Variants in IL2RA observed in about 807,000 individuals in gnomAD.
IL2RA encodes interleukin 2 receptor subunit alpha.
In IL2RA, 24 loss-of-function variants were observed where a neutral mutation model predicts 37.8. That is an observed-to-expected ratio of 0.63 (90% confidence interval 0.46 to 0.89). IL2RA has a LOEUF of 0.89. IL2RA is among the 40% of genes least tolerant of loss of function. The pLI, the probability that IL2RA is intolerant of heterozygous loss-of-function variation, is 0.00. For missense variants in IL2RA, 319 were observed against 348.6 expected, an observed-to-expected ratio of 0.92 and a Z score of 0.68; for synonymous variants, 125 against 114.6, an observed-to-expected ratio of 1.09 and a Z score of -0.58.
chr10:6,018,323 G>T lies in IL2RA; in HGVS notation c.728-204C>A, dbSNP rs1204170438. Among the ~76,000 whole-genome samples the T allele has an allele frequency of 3.3e-5, 5 of 152,128 alleles. No individual in the cohort carries two copies. Among genetic ancestry groups the T allele is most frequent in the African/African-American group, 4.8e-5 (2 of 41,424 alleles). ...ACAGGGCAGGGAGGACAGGGTGAGG[G>T]TGGAGGGAGCTTCCCCTCAGGAGGC... On this transcript the variant is annotated intron_variant, in intron 6 of 7. Transcript: ENST00000379959. The surrounding 1 kb of genome is among the most constrained non-coding windows in gnomAD (Gnocchi z 5.1).
At chr10:6,026,159 A>T in intron 1 of IL2RA, 134 bp from the exon 2 acceptor site, 1 of 909,706 alleles carries the variant, frequency 1.1e-6, no homozygotes. Flanking sequence ...TTTGTGAGAA[A>T]GCAACTAAGG....
Position 6,023,866 on chromosome 10 carries a change from G to A in IL2RA, c.367+378C>T, listed in dbSNP as rs114208604. Among the ~76,000 whole-genome samples, 229 of 152,330 alleles carry A rather than the reference G, an allele frequency of 1.5e-3. 2 individuals are homozygous for A. Among genetic ancestry groups the A allele is most frequent in the African/African-American group, 4.9e-3 (205 of 41,576 alleles). ...GTTGTCTTGTGCTTAAGGGGAAGACGCAGAGCGTTTCCTTGAGGGCAGGGA... is the reference window on the plus strand; with the variant it reads ...GTTGTCTTGTGCTTAAGGGGAAGACACAGAGCGTTTCCTTGAGGGCAGGGA... On this transcript the variant is annotated intron_variant, in intron 3 of 7. Transcript: ENST00000379959.
chr10:6,017,193 A>G (rs894308972), intron 7 of IL2RA: 2 of 152,390 alleles, frequency 1.3e-5, no homozygotes, highest in Non-Finnish European at 1.5e-5. Flanking sequence ...TCTAAGATGC[A>G]TGCAGGGTTG....
Position 6,029,198 on chromosome 10 carries a change from C to T in IL2RA, c.65-3173G>A, listed in dbSNP as rs1278337832. On this transcript the variant is annotated intron_variant, in intron 1 of 7. Transcript: ENST00000379959. This position sits in a 1 kb window ranked among gnomAD's most constrained non-coding sequence, Gnocchi z 4.6. ...TTTATTTTTGAGACAGAGTTTCGCTCTTGTTGCCCAGGCTGGAGTGCAATG... is the reference window on the plus strand; with the variant it reads ...TTTATTTTTGAGACAGAGTTTCGCTTTTGTTGCCCAGGCTGGAGTGCAATG... Among the ~76,000 whole-genome samples, 1 of 150,288 alleles carries T rather than the reference C, an allele frequency of 6.7e-6. No homozygotes were observed. The highest frequency in any genetic ancestry group is 1.5e-5 in the Non-Finnish European group (1 of 67,678).
chr10:6,029,753 G>A lies in IL2RA; in HGVS notation c.65-3728C>T, dbSNP rs963606625. 1.3e-5 allele frequency among the ~76,000 whole-genome samples: 2 copies of A among 151,952 alleles called. No individual in the cohort carries two copies. The highest frequency in any genetic ancestry group is 2.9e-5 in the Non-Finnish European group (2 of 67,984). On this transcript the variant is annotated intron_variant, in intron 1 of 7. Coordinates refer to ENST00000379959, the MANE Select transcript of IL2RA (RefSeq NM_000417.3). This position sits in a 1 kb window ranked among gnomAD's most constrained non-coding sequence, Gnocchi z 4.6. ...GGAGTCTTGCTCTGTTGCCCAGGCT[G>A]GAGTGCAGTGGCACAATCTTGGCTC...
At chr10:6,061,429 T>C (rs1042715329) in intron 1 of IL2RA, among the ~76,000 whole-genome samples, 38 of 152,182 alleles carry the variant, frequency 2.5e-4, no homozygotes, top group African/African-American at 8.9e-4. Flanking sequence ...GAATGAAATT[T>C]AAAATTTGCA....
chr10:6,033,895 A>C lies in IL2RA; in HGVS notation c.65-7870T>G, dbSNP rs1290521230. 6.6e-6 allele frequency among the ~76,000 whole-genome samples: 1 copy of C among 152,202 alleles called. No homozygotes were observed. Among genetic ancestry groups the C allele is most frequent in the Non-Finnish European group, 1.5e-5 (1 of 68,028 alleles). On this transcript the variant is annotated intron_variant, in intron 1 of 7. Transcript: ENST00000379959. The surrounding 1 kb of genome is among the most constrained non-coding windows in gnomAD (Gnocchi z 4.3). Reference sequence around the variant, plus strand: ...AGATCTATGCATTTCTTTATAAGTAATTTTAGCTCAACAAAATGAGCGAGA... The same window carrying C: ...AGATCTATGCATTTCTTTATAAGTACTTTTAGCTCAACAAAATGAGCGAGA...
rs1163208597 is a variant in IL2RA at position 6,025,890 on chromosome 10, C to T, written c.200G>A (p.Cys67Tyr). 6.2e-7 allele frequency: 1 copy of T among 1,614,084 alleles called. No homozygotes were observed. Among genetic ancestry groups the T allele is most frequent in the East Asian group, 2.2e-5 (1 of 44,898 alleles). ...GGACGAGTGGCTAGAGTTTCCTGTA[C>T]AGAGCATATAGAGTGACCCGCTTTT... Reference protein sequence around the residue: ...RIKSGSLYMLCTGNSSHSSWD... With the variant: ...RIKSGSLYMLYTGNSSHSSWD... The change falls in exon 2 of 8, where the codon TGT becomes TAT. Residue 67 changes from cysteine to tyrosine, a missense_variant. Cys to Tyr is a radical substitution (Grantham distance 194). Coordinates refer to ENST00000379959, the MANE Select transcript of IL2RA (RefSeq NM_000417.3). The surrounding 1 kb of genome is among the most constrained non-coding windows in gnomAD (Gnocchi z 4.4).
At chr10:6,038,381 G>T (rs1839722410) in intron 1 of IL2RA, among the ~76,000 whole-genome samples, 1 of 152,090 alleles carries the variant, frequency 6.6e-6, no homozygotes, top group Non-Finnish European at 1.5e-5. Context: ...CCTCCATTTG[G>T]GGTTATCTAT....
rs1357774967 is a variant in IL2RA, at chr10:6,033,180, C to T, written c.65-7155G>A. ...TCATTTTAAGTCAGGAGTTTGAGAC[C>T]AGCCCGGTCAACATGGCGAAACCCT... is the stretch of plus-strand genomic sequence containing the variant. On this transcript the variant is annotated intron_variant, in intron 1 of 7. Coordinates refer to ENST00000379959, the MANE Select transcript of IL2RA (RefSeq NM_000417.3). The surrounding 1 kb of genome is among the most constrained non-coding windows in gnomAD (Gnocchi z 4.3). Among the ~76,000 whole-genome samples, 1 of 152,026 alleles carries T rather than the reference C, an allele frequency of 6.6e-6. No homozygotes were observed. Among genetic ancestry groups the T allele is most frequent in the East Asian group, 1.9e-4 (1 of 5,190 alleles).
intron 1 of IL2RA, among the ~76,000 whole-genome samples, chr10:6,059,993 C>A (rs1426092689): frequency 6.6e-6 from 1 of 152,038 alleles, no homozygotes; most frequent in Non-Finnish European, 1.5e-5. Flanking sequence ...TTGAGAATGG[C>A]GTGAAGGAGT....
In IL2RA at chr10:6,058,271, C is replaced by T. The variant is rs919323120; in HGVS notation, c.64+3817G>A. On this transcript the variant is annotated intron_variant, in intron 1 of 7. Coordinates refer to ENST00000379959, the MANE Select transcript of IL2RA (RefSeq NM_000417.3). The surrounding 1 kb of genome is among the most constrained non-coding windows in gnomAD (Gnocchi z 4.2). ...GCTCAGCAACCGTTCTATATTAGCACCTCTAACTGACGCATTCGTGAAACT... is the reference window on the plus strand; with the variant it reads ...GCTCAGCAACCGTTCTATATTAGCATCTCTAACTGACGCATTCGTGAAACT... 6.6e-6 allele frequency among the ~76,000 whole-genome samples: 1 copy of T among 152,180 alleles called. No individual in the cohort carries two copies. Among genetic ancestry groups the T allele is most frequent in the African/African-American group, 2.4e-5 (1 of 41,428 alleles).
chr10:6,029,267 C>T lies in IL2RA; in HGVS notation c.65-3242G>A, dbSNP rs541095049. Reference sequence around the variant, plus strand: ...GCAACCTCTGCCCCCCGGGTTCAAGCGATTCTCCTGCCTCAGCCTCCCAAG... The same window carrying T: ...GCAACCTCTGCCCCCCGGGTTCAAGTGATTCTCCTGCCTCAGCCTCCCAAG... On this transcript the variant is annotated intron_variant, in intron 1 of 7. Transcript: ENST00000379959. The surrounding 1 kb of genome is among the most constrained non-coding windows in gnomAD (Gnocchi z 4.6). Among the ~76,000 whole-genome samples the T allele has an allele frequency of 1.5e-3, 229 of 150,050 alleles. 1 individual carries two copies. The highest frequency in any genetic ancestry group is 2.7e-3 in the Non-Finnish European group (180 of 67,578).
rs1840006390 is a variant in IL2RA at position 6,054,090 on chromosome 10, G to T, written c.64+7998C>A. ...TGACCTTCCGGTCAACCCCACCCAT[G>T]CCACCCACACTTTGTTGCCCTGGAG... is the stretch of plus-strand genomic sequence containing the variant. On this transcript the variant is annotated intron_variant, in intron 1 of 7. Coordinates refer to ENST00000379959, the MANE Select transcript of IL2RA (RefSeq NM_000417.3). This position sits in a 1 kb window ranked among gnomAD's most constrained non-coding sequence, Gnocchi z 4.5. Among the ~76,000 whole-genome samples, 3 of 152,316 alleles carry T rather than the reference G, an allele frequency of 2.0e-5. No homozygotes were observed. The highest frequency in any genetic ancestry group is 6.5e-5 in the Admixed American group (1 of 15,306).
rs1564547390 is a variant in IL2RA at position 6,035,553 on chromosome 10, C to G, written c.65-9528G>C. 6.6e-6 allele frequency among the ~76,000 whole-genome samples: 1 copy of G among 152,194 alleles called. No homozygotes were observed. Among genetic ancestry groups the G allele is most frequent in the Non-Finnish European group, 1.5e-5 (1 of 68,038 alleles). On this transcript the variant is annotated intron_variant, in intron 1 of 7. Coordinates refer to ENST00000379959, the MANE Select transcript of IL2RA (RefSeq NM_000417.3). This position sits in a 1 kb window ranked among gnomAD's most constrained non-coding sequence, Gnocchi z 5.4. ...TCTCTATTCTGGCAATAAAAGTACT[C>G]TGGACACTGTTAAGGTGAGAAAAGA...
chr10:6,027,160 C>T (rs1344070316), intron 1 of IL2RA, among the ~76,000 whole-genome samples: 9 of 152,078 alleles, frequency 5.9e-5, no homozygotes, highest in Admixed American at 2.6e-4. Context: ...ACAGTCTCTA[C>T]TAAAAATACA....
In IL2RA at chr10:6,010,982, A is replaced by G. The variant is rs1309155854; in HGVS notation, c.*1890T>C. 2 of 152,324 alleles carry G rather than the reference A, an allele frequency of 1.3e-5. No homozygotes were observed. The highest frequency in any genetic ancestry group is 2.4e-5 in the African/African-American group (1 of 41,428). The allele number at this position is 152,324 out of a possible 1,614,324, so 9.4% of individuals were successfully genotyped here. On this transcript the variant is annotated 3_prime_UTR_variant, in exon 8 of 8. Coordinates refer to ENST00000379959, the MANE Select transcript of IL2RA (RefSeq NM_000417.3). ...CTTTTCAACTTTACTCAGAAAACATATACCTGAAGGGGGAGGGGGAGAGTG... is the reference window on the plus strand; with the variant it reads ...CTTTTCAACTTTACTCAGAAAACATGTACCTGAAGGGGGAGGGGGAGAGTG...
chr10:6,024,526 G>A (rs751026252), intron 2 of IL2RA, among the ~76,000 whole-genome samples, 172 bp from the exon 3 acceptor site: 9 of 152,142 alleles, frequency 5.9e-5, no homozygotes, highest in Admixed American at 1.3e-4. Flanking sequence ...TCCCAGCACC[G>A]GCCTCTGGGT....
intron 1 of IL2RA, among the ~76,000 whole-genome samples, chr10:6,037,968 AG>A (rs987122507): frequency 6.6e-6 from 1 of 152,222 alleles, no homozygotes; most frequent in Non-Finnish European, 1.5e-5. Flanking sequence ...CCAAACCAGA[AG>A]TTTAGGCCGT....
Sources: gnomAD v4.1 joint callset for allele counts (sites outside exome capture counted in the v4.1 genomes callset) on GRCh38, gnomAD v4.1.1 for gene constraint, Gnocchi (gnomAD v3.1) non-coding constraint, MANE v1.5 for transcripts, NCBI Gene and HGNC (gene_info 2026-07-23, HGNC 2026-07-21) for gene names.